PHKA1: variants seen among roughly 807,000 people sequenced by gnomAD.
The protein encoded by PHKA1 is phosphorylase kinase regulatory subunit alpha 1, also known as phosphorylase b kinase regulatory subunit alpha, skeletal muscle isoform.
A neutral mutation model predicts 110.2 loss-of-function variants in PHKA1; 60 were observed. The observed-to-expected ratio is 0.54, with a 90% CI of 0.44 to 0.68. PHKA1 has a LOEUF of 0.68. Ranked by LOEUF, PHKA1 falls within the 30% of genes least tolerant of loss-of-function variation. The pLI, the probability that PHKA1 is intolerant of heterozygous loss-of-function variation, is 0.00. For synonymous variants in PHKA1, 316 were observed against 333.6 expected (o/e 0.95, Z 0.58); for missense variants, 801 against 942.5 (o/e 0.85, Z 1.97).
At chrX:72,702,774 G>A (rs2054223719) in intron 3 of PHKA1, among the ~76,000 whole-genome samples, 1 of 111,661 alleles carries the variant, frequency 9.0e-6, no homozygotes, top group Non-Finnish European at 1.9e-5. Context: ...GGGGGGATGT[G>A]AAAGGAAAAT....
At position 72,620,859 on chromosome X, in the gene PHKA1, A is replaced by G. The variant is rs2052967940; in HGVS notation, c.2003T>C (p.Leu668Ser). Residue 668 changes from leucine (L) to serine (S), a missense_variant, in exon 19 of 32, where the codon TTG (leucine) becomes TCG (serine). By Grantham distance (145) the Leu-to-Ser change is moderately radical. This residue lies in a region of PHKA1 where 502 missense variants were observed against 519.2 expected (regional missense o/e 0.97). Coordinates refer to ENST00000373542, the MANE Select transcript of PHKA1 (RefSeq NM_002637.4). ...DEVARYLDHLLAHTAPHPKLA... is the reference protein window; with the variant it reads ...DEVARYLDHLSAHTAPHPKLA... Reference sequence around the variant, plus strand: ...TTTAGGATGGGGAGCAGTGTGCGCCAAAAGGTGATCTAAATAACGAGCAAC... The same window carrying G: ...TTTAGGATGGGGAGCAGTGTGCGCCGAAAGGTGATCTAAATAACGAGCAAC... 2 of 1,211,117 alleles carry G rather than the reference A, an allele frequency of 1.7e-6. No homozygotes were observed. The highest frequency in any genetic ancestry group is 2.2e-6 in the Non-Finnish European group (2 of 895,244).
intron 30 of PHKA1, 25 bp from the exon 31 acceptor site, chrX:72,582,623 CT>C: frequency 9.9e-7 from 1 of 1,008,935 alleles, no homozygotes; most frequent in African/African-American, 1.9e-5. Context: ...AAGAAAATCA[CT>C]TCCTAAGAGT....
chrX:72,656,026 A>T (rs1221441805), intron 10 of PHKA1, 94 bp downstream of exon 10: 2 of 996,663 alleles, frequency 2.0e-6, no homozygotes, highest in Non-Finnish European at 2.8e-6. Flanking sequence ...CCCTATTAGG[A>T]AGACTTCCAA....
chrX:72,607,585 C>T (rs1474774454), intron 23 of PHKA1, among the ~76,000 whole-genome samples: 1 of 111,655 alleles, frequency 9.0e-6, no homozygotes, highest in East Asian at 2.8e-4. Flanking sequence ...ATTTTTTTCC[C>T]TATAGAATTG....
chrX:72,597,007 G>T (rs2052598606), intron 28 of PHKA1, among the ~76,000 whole-genome samples: 1 of 112,251 alleles, frequency 8.9e-6, no homozygotes, highest in African/African-American at 3.2e-5. Context: ...ATAATTAAAT[G>T]AGGGAAAAAT....
intron 8 of PHKA1, chrX:72,660,837 G>A (rs1272272859): frequency 4.9e-6 from 1 of 202,599 alleles, no homozygotes; most frequent in Non-Finnish European, 9.2e-6. Context: ...CTTTTGTTTT[G>A]GTGGAGAAAT....
intron 6 of PHKA1, among the ~76,000 whole-genome samples, chrX:72,670,322 G>T (rs1421821914): frequency 8.1e-5 from 9 of 111,432 alleles, no homozygotes; most frequent in African/African-American, 2.9e-4. Flanking sequence ...CCATTCTATA[G>T]GTTGCCTGTT....
chrX:72,681,633 C>T (rs2053875339), intron 5 of PHKA1, among the ~76,000 whole-genome samples: 1 of 84,768 alleles, frequency 1.2e-5, no homozygotes. Flanking sequence ...AGTGAGGAGC[C>T]CCTCAGCCCG....
chrX:72,619,664 A>G (rs1384392315), intron 19 of PHKA1, among the ~76,000 whole-genome samples: 6 of 111,999 alleles, frequency 5.4e-5, no homozygotes, highest in Non-Finnish European at 1.1e-4. Flanking sequence ...GAACTTTTCT[A>G]GGTGAATATC....
chrX:72,646,337 C>A (rs782093523), intron 13 of PHKA1, among the ~76,000 whole-genome samples: 5 of 111,475 alleles, frequency 4.5e-5, no homozygotes, highest in African/African-American at 1.6e-4. Flanking sequence ...TCAACCCAAG[C>A]AACTCATTTT....
At chrX:72,600,088 G>T (rs1353079515) in intron 28 of PHKA1, among the ~76,000 whole-genome samples, 1 of 110,076 alleles carries the variant, frequency 9.1e-6, no homozygotes, top group Non-Finnish European at 1.9e-5. Context: ...AATCAGAAAA[G>T]AGGGCATTCT....
At chrX:72,641,943 T>C (rs1222948690) in intron 14 of PHKA1, among the ~76,000 whole-genome samples, 2 of 111,838 alleles carry the variant, frequency 1.8e-5, no homozygotes, top group Non-Finnish European at 1.9e-5. Context: ...ATTTATAAGA[T>C]TGTACTGTGA....
At chrX:72,586,232 T>C (rs902465764) in intron 29 of PHKA1, among the ~76,000 whole-genome samples, 6 of 111,686 alleles carry the variant, frequency 5.4e-5, no homozygotes, top group East Asian at 5.7e-4. Context: ...AGAGGAAGGA[T>C]CAGGCAGAAG....
At chrX:72,615,504 A>T (rs1371919908) in intron 21 of PHKA1, among the ~76,000 whole-genome samples, 3 of 110,786 alleles carry the variant, frequency 2.7e-5, no homozygotes, top group Non-Finnish European at 3.8e-5. Flanking sequence ...TGGGAGGTTG[A>T]GTTAAAGAGA....
At chrX:72,620,962 A>C in intron 18 of PHKA1, 61 bp from the exon 19 acceptor site, 1 of 1,113,036 alleles carries the variant, frequency 9.0e-7, no homozygotes. Context: ...GTTACTTTAC[A>C]ATCTACCCCA....
chrX:72,628,578 ATAAATATATATATATATAT>A (rs1556284688), intron 16 of PHKA1, among the ~76,000 whole-genome samples: 11 of 91,282 alleles, frequency 1.2e-4, no homozygotes, highest in African/African-American at 5.2e-4. Flanking sequence ...ATATTCCCAT[ATAAATATATATATATATAT>A]TTTTTTTTTT....
At chrX:72,602,105 G>C in intron 27 of PHKA1, 53 bp downstream of exon 27, 1 of 1,086,625 alleles carries the variant, frequency 9.2e-7, no homozygotes, top group Non-Finnish European at 1.3e-6. Context: ...GATTCCAAAA[G>C]AATGTTCTGA....
At chrX:72,618,970 G>A (rs2052937243) in intron 20 of PHKA1, 121 bp from the exon 21 acceptor site, 1 of 688,734 alleles carries the variant, frequency 1.5e-6, no homozygotes, top group Admixed American at 2.5e-5. Flanking sequence ...AAATACTAAT[G>A]AAAGGCAAAG....
At chrX:72,622,898 T>C (rs2052999802) in intron 18 of PHKA1, 1 of 750,956 alleles carries the variant, frequency 1.3e-6, no homozygotes, top group Non-Finnish European at 1.6e-6. Context: ...TAAGGGACTG[T>C]CCAACTCCAT....
Sources: gnomAD v4.1 joint callset for allele counts (sites outside exome capture counted in the v4.1 genomes callset) on GRCh38, gnomAD v4.1.1 for gene constraint, gnomAD v4.1.1 regional missense constraint, MANE v1.5 for transcripts, NCBI Gene and HGNC (gene_info 2026-07-23, HGNC 2026-07-21) for gene names.